SFPQ: variants seen among roughly 807,000 people sequenced by gnomAD.
SFPQ encodes splicing factor proline and glutamine rich.
Under a neutral mutation model 72.9 loss-of-function variants are expected in SFPQ, and 11 were observed. That is an observed-to-expected ratio of 0.15 (90% CI 0.09 to 0.25). The LOEUF (loss-of-function observed/expected upper bound fraction) is 0.25, where lower values mean the gene tolerates loss of function less well. Among genes scored for constraint, SFPQ ranks in the 10% least tolerant of loss-of-function variants. The probability of loss-of-function intolerance (pLI) is 1.00; values close to 1 mark genes in which losing one functional copy is unlikely to be tolerated. For missense variants in SFPQ, 847 were observed against 993.3 expected, an observed-to-expected ratio of 0.85 and a Z score of 1.98; for synonymous variants, 506 against 367.3, an observed-to-expected ratio of 1.38 and a Z score of -4.32.
downstream of SFPQ, chr1:35,178,934 GT>G (rs1318116745): frequency 2.9e-6 from 3 of 1,050,420 alleles, no homozygotes; most frequent in African/African-American, 5.0e-5. Context: ...CAAAAGCAAC[GT>G]TTTTATGGTT....
At chr1:35,180,335 T>C, downstream of SFPQ, 1 of 1,035,004 alleles carries the variant, frequency 9.7e-7, no homozygotes. Flanking sequence ...GGTTTTCTTG[T>C]AAACATTTTG....
intron 1 of SFPQ, among the ~76,000 whole-genome samples, 199 bp downstream of exon 1, chr1:35,192,023 G>A (rs1425259287): frequency 3.3e-5 from 5 of 151,860 alleles, no homozygotes; most frequent in African/African-American, 1.2e-4. Flanking sequence ...CTAGCCTTCC[G>A]CCCGCCGGGA....
chr1:35,192,681 G>C lies in SFPQ; in HGVS notation c.369C>G (p.Ser123Arg). Reference sequence around the variant, plus strand: ...GGGCCGAGCTGGAGGCTGGTGGTGCGCTGCCTACTCCGGGAGCGGGGCCGG... The same window carrying C: ...GGGCCGAGCTGGAGGCTGGTGGTGCCCTGCCTACTCCGGGAGCGGGGCCGG... ...QGPGPAPGVGSAPPASSSAPP... is the reference protein window; with the variant it reads ...QGPGPAPGVGRAPPASSSAPP... Residue 123 changes from serine (S) to arginine (R), a missense_variant, in exon 1 of 10, where the codon AGC becomes AGG. Ser to Arg is a moderately radical substitution (Grantham distance 110). Around this residue, in one of 6 missense-constraint regions of SFPQ, gnomAD observed 498 missense variants for 405.1 expected, o/e 1.23. Coordinates refer to ENST00000357214, the MANE Select transcript of SFPQ (RefSeq NM_005066.3). 7.0e-7 allele frequency: 1 copy of C among 1,419,356 alleles called. No individual in the cohort carries two copies. The highest frequency in any genetic ancestry group is 3.0e-5 in the East Asian group (1 of 33,682). 87.9% of individuals were successfully genotyped at this position (1,419,356 alleles called of 1,614,324 possible).
downstream of SFPQ, chr1:35,181,486 G>A: frequency 9.4e-7 from 1 of 1,063,626 alleles, no homozygotes; most frequent in Non-Finnish European, 1.1e-6. Context: ...GGTGGGGTTT[G>A]TAGTACTTCT....
At chr1:35,187,831 A>G in intron 7 of SFPQ, 142 bp downstream of exon 7, 5 of 659,384 alleles carry the variant, frequency 7.6e-6, no homozygotes, top group Admixed American at 4.9e-5. Flanking sequence ...TGACCCATAC[A>G]AGGAAATCAA....
At position 35,192,754 on chromosome 1, in the gene SFPQ, GGCTGCTGCTGCT is replaced by G. The variant is rs536204523; in HGVS notation, c.284_295del (p.Gln95_Gln98del). 50 of 1,493,430 alleles carry G rather than the reference GGCTGCTGCTGCT, an allele frequency of 3.3e-5. No individual in the cohort carries two copies. Among genetic ancestry groups the G allele is most frequent in the Non-Finnish European group, 4.2e-5 (47 of 1,127,678 alleles). The allele number at this position is 1,493,430 out of a possible 1,614,324, so 92.5% of individuals were successfully genotyped here. Reference sequence around the variant, plus strand: ...GGAAGAGTCCTGCGGCGGTGGCGGCGGCTGCTGCTGCTGATGCGGCTGTGGATGCGGCGGCGG... The same window carrying G: ...GGAAGAGTCCTGCGGCGGTGGCGGCGGATGCGGCTGTGGATGCGGCGGCGG... On this transcript the variant is annotated inframe_deletion, in exon 1 of 10. Transcript: ENST00000357214.
downstream of SFPQ, chr1:35,178,096 A>G: frequency 8.3e-7 from 1 of 1,207,372 alleles, no homozygotes; most frequent in East Asian, 4.8e-5. Context: ...AAGGTTTGAA[A>G]ATGCTAGTCA....
chr1:35,188,801 T>C (rs1324978109), intron 6 of SFPQ, among the ~76,000 whole-genome samples: 2 of 152,092 alleles, frequency 1.3e-5, no homozygotes. Flanking sequence ...CTACTACAAA[T>C]ACAGGAAGAA....
At chr1:35,182,218 C>T, downstream of SFPQ, 1 of 985,372 alleles carries the variant, frequency 1.0e-6, no homozygotes, top group Non-Finnish European at 1.2e-6. Flanking sequence ...CCATGGAACA[C>T]CCCTTATTTT....
chr1:35,185,516 G>A (rs910161000), intron 9 of SFPQ, among the ~76,000 whole-genome samples: 1 of 152,178 alleles, frequency 6.6e-6, no homozygotes, highest in African/African-American at 2.4e-5. Context: ...GGAGATAGAA[G>A]TTTTCAATAG....
intron 1 of SFPQ, 118 bp from the exon 2 acceptor site, chr1:35,191,647 T>TC: frequency 1.3e-6 from 1 of 744,044 alleles, no homozygotes. Flanking sequence ...TTGGTCAAAA[T>TC]CAAGGTTTTA....
chr1:35,183,454 T>G lies in SFPQ; in HGVS notation c.*1002A>C. 1.8e-6 allele frequency: 1 copy of G among 550,774 alleles called. No individual in the cohort carries two copies. Among genetic ancestry groups the G allele is most frequent in the Non-Finnish European group, 2.3e-6 (1 of 426,338 alleles). The allele number at this position is 550,774 out of a possible 1,614,324, so 34.1% of individuals were successfully genotyped here. A position where few individuals can be genotyped will look rare whatever the true frequency, so the allele number is the denominator to read the frequency against. ...GGCTGGTCTTGAACTCCTGATCTCA[T>G]GATTTGCCCACCTCAGCCTCCCAAA... On this transcript the variant is annotated 3_prime_UTR_variant, in exon 10 of 10. Transcript: ENST00000357214.
At chr1:35,187,726 T>A (rs1639789123) in intron 7 of SFPQ, among the ~76,000 whole-genome samples, 2 of 143,802 alleles carry the variant, frequency 1.4e-5, no homozygotes, top group African/African-American at 2.6e-5. Flanking sequence ...AGCAAAACTC[T>A]CTCCAAAAAA....
chr1:35,178,270 G>GT, downstream of SFPQ: 3 of 1,097,254 alleles, frequency 2.7e-6, no homozygotes, highest in Non-Finnish European at 3.3e-6. Context: ...TCTTTAAAAT[G>GT]TAAAAGCCTG....
At chr1:35,187,368 A>G in intron 7 of SFPQ, 117 bp from the exon 8 acceptor site, 1 of 945,894 alleles carries the variant, frequency 1.1e-6, no homozygotes, top group South Asian at 1.4e-5. Context: ...AAAGTTCATC[A>G]TGTGAATTAT....
rs370865347 is a variant in SFPQ at position 35,188,302 on chromosome 1, A to G, written c.1698-212T>C. On this transcript the variant is annotated intron_variant, in intron 6 of 9. Coordinates refer to ENST00000357214, the MANE Select transcript of SFPQ (RefSeq NM_005066.3). Reference sequence around the variant, plus strand: ...TACACTGTATTCGATTTTAAGTGTTAAACCAACACTGACATATTTAACCTT... The same window carrying G: ...TACACTGTATTCGATTTTAAGTGTTGAACCAACACTGACATATTTAACCTT... Among the ~76,000 whole-genome samples, 594 of 152,352 alleles carry G rather than the reference A, an allele frequency of 3.9e-3. 7 individuals carry two copies. Among genetic ancestry groups the G allele is most frequent in the African/African-American group, 0.014 (563 of 41,588 alleles).
downstream of SFPQ, chr1:35,182,897 G>C: frequency 5.7e-6 from 6 of 1,045,558 alleles, no homozygotes; most frequent in Non-Finnish European, 6.9e-6. Context: ...AATGGAAGGG[G>C]GTTCAATGAA....
chr1:35,183,749 T>A lies in SFPQ; in HGVS notation c.*707A>T. On this transcript the variant is annotated 3_prime_UTR_variant, in exon 10 of 10. Transcript: ENST00000357214. ...CAAAAGCTTTCAAGTAAAGGATAGA[T>A]CATAGGGCCATAAAAGATCCATTTA... The A allele has an allele frequency of 2.9e-6, 3 of 1,051,296 alleles. No homozygotes were observed. Among genetic ancestry groups the A allele is most frequent in the Non-Finnish European group, 3.4e-6 (3 of 870,094 alleles). The allele number at this position is 1,051,296 out of a possible 1,614,324, so 65.1% of individuals were successfully genotyped here. A position where few individuals can be genotyped will look rare whatever the true frequency, so the allele number is the denominator to read the frequency against.
chr1:35,191,777 C>G (rs1185157486), intron 1 of SFPQ, among the ~76,000 whole-genome samples: 1 of 152,170 alleles, frequency 6.6e-6, no homozygotes. Context: ...AACTGTCACC[C>G]ACATATGTTG....
Sources: allele counts gnomAD v4.1 joint callset (sites outside exome capture counted in the v4.1 genomes callset), GRCh38; gene constraint gnomAD v4.1.1; regional missense constraint gnomAD v4.1.1; transcripts MANE v1.5; gene names NCBI Gene and HGNC (gene_info 2026-07-23, HGNC 2026-07-21).